Variants in HERC3 observed in about 807,000 individuals in gnomAD.
The protein encoded by HERC3 is probable E3 ubiquitin-protein ligase HERC3.
In HERC3, 58 loss-of-function variants were observed where a neutral mutation model predicts 129.9. That is an observed-to-expected ratio of 0.45 (90% CI 0.36 to 0.56). The LOEUF (loss-of-function observed/expected upper bound fraction) is 0.56, where lower values mean the gene tolerates loss of function less well. HERC3 is among the 20% of genes least tolerant of loss of function. The probability of loss-of-function intolerance (pLI) is 0.00; values close to 1 mark genes in which losing one functional copy is unlikely to be tolerated. For synonymous variants in HERC3, 430 were observed against 451.0 expected, an observed-to-expected ratio of 0.95 and a Z score of 0.59; for missense variants, 835 against 1,244.2, an observed-to-expected ratio of 0.67 and a Z score of 4.95.
At chr4:88,587,331 A>G in the HERC3 span, among the ~76,000 whole-genome samples, 1 of 152,326 alleles carries the variant, frequency 6.6e-6, no homozygotes, top group African/African-American at 2.4e-5. Context: ...CAGAGGGAGA[A>G]ATCAACTGAG....
chr4:88,538,220 A>G, the HERC3 span, among the ~76,000 whole-genome samples: 5 of 152,210 alleles, frequency 3.3e-5, no homozygotes, highest in African/African-American at 9.6e-5. Context: ...GGAACCATGC[A>G]GTTTGGAGTA....
chr4:88,681,974 T>C (rs933705198), intron 21 of HERC3, among the ~76,000 whole-genome samples: 1 of 152,268 alleles, frequency 6.6e-6, no homozygotes, highest in Non-Finnish European at 1.5e-5. Flanking sequence ...ATAATTTTGA[T>C]TGGCCTTTGG....
At position 88,656,296 on chromosome 4, in the gene HERC3, TGAA is replaced by T. The variant is rs142761935; in HGVS notation, c.1069+265_1069+267del. ...AGAGCACCTGAAACAGGGTGATTTA[TGAA>T]GAAAAGAGTTTTAATTGGCTCACAG... is the stretch of plus-strand genomic sequence containing the variant. On this transcript the variant is annotated intron_variant, in intron 9 of 25. Transcript: ENST00000402738. The T allele has an allele frequency of 6.8e-3, 3,065 of 451,248 alleles. 70 individuals carry two copies. Among genetic ancestry groups the T allele is most frequent in the African/African-American group, 0.055 (2,799 of 51,186 alleles). The allele number at this position is 451,248 out of a possible 1,614,324, so 28.0% of individuals were successfully genotyped here. A position where few individuals can be genotyped will look rare whatever the true frequency, so the allele number is the denominator to read the frequency against.
At chr4:88,663,058 A>G (rs1003583513) in intron 11 of HERC3, among the ~76,000 whole-genome samples, 4 of 151,840 alleles carry the variant, frequency 2.6e-5, no homozygotes, top group African/African-American at 2.4e-5. Context: ...TTAAAGGACA[A>G]TTTTCCTTTG....
At chr4:88,640,605 C>A (rs1016000636) in intron 3 of HERC3, among the ~76,000 whole-genome samples, 5 of 151,928 alleles carry the variant, frequency 3.3e-5, no homozygotes, top group African/African-American at 4.8e-5. Flanking sequence ...AGCATCAGGA[C>A]AAATAGGTAA....
Position 88,668,647 on chromosome 4 carries a change from GTT to G in HERC3, c.1633+570_1633+571del, listed in dbSNP as rs1012991576. The G allele has an allele frequency of 9.7e-5, 15 of 154,308 alleles. 1 individual carries two copies. The highest frequency in any genetic ancestry group is 3.4e-4 in the African/African-American group (14 of 41,488). 9.6% of individuals were successfully genotyped at this position (154,308 alleles called of 1,614,324 possible). A position where few individuals can be genotyped will look rare whatever the true frequency, so the allele number is the denominator to read the frequency against. On this transcript the variant is annotated intron_variant, in intron 14 of 25. Coordinates refer to ENST00000402738, the MANE Select transcript of HERC3 (RefSeq NM_014606.3). The stretch of plus-strand genomic sequence containing the variant: ...CTTTCATGGGAGTAGCACCTGAAAT[GTT>G]TTTATTACTCAAGTGCAGGAAGTCT...
intron 3 of HERC3, among the ~76,000 whole-genome samples, chr4:88,637,112 G>T (rs935397269): frequency 1.3e-5 from 2 of 152,070 alleles, no homozygotes; most frequent in Non-Finnish European, 2.9e-5. Flanking sequence ...CTGGGTGGCA[G>T]AGTGAGATGC....
At chr4:88,605,733 C>G in intron 2 of HERC3, 62 bp from the exon 3 acceptor site, 1 of 949,456 alleles carries the variant, frequency 1.1e-6, no homozygotes, top group Non-Finnish European at 1.6e-6. Context: ...ACATTCATTA[C>G]TTGATTTTCT....
At chr4:88,682,489 C>T (rs1238974616) in intron 21 of HERC3, among the ~76,000 whole-genome samples, 1 of 132,176 alleles carries the variant, frequency 7.6e-6, no homozygotes, top group Non-Finnish European at 1.6e-5. Context: ...CACCCCACAA[C>T]AGGCCCCAGT....
At chr4:88,569,797 C>T in the HERC3 span, among the ~76,000 whole-genome samples, 2 of 152,336 alleles carry the variant, frequency 1.3e-5, no homozygotes, top group Admixed American at 1.3e-4. Flanking sequence ...GCAGCCTCCC[C>T]AGCGCTCCAG....
the HERC3 span, among the ~76,000 whole-genome samples, chr4:88,532,890 A>G: frequency 6.6e-6 from 1 of 152,240 alleles, no homozygotes. Flanking sequence ...TCCCATATGT[A>G]TTAGAGTTCT....
intron 3 of HERC3, among the ~76,000 whole-genome samples, chr4:88,648,127 A>T (rs1728896648): frequency 6.6e-6 from 1 of 151,540 alleles, no homozygotes; most frequent in Admixed American, 6.6e-5. Flanking sequence ...ACTGACTTTA[A>T]TTTTTTTTTC....
intron 3 of HERC3, among the ~76,000 whole-genome samples, chr4:88,610,485 GT>G (rs1440077862): frequency 2.7e-5 from 4 of 148,610 alleles, no homozygotes; most frequent in Non-Finnish European, 5.9e-5. Context: ...CGCCTTACCC[GT>G]CTGGGAATAC....
rs1735875121 is a variant in HERC3 at position 88,707,477 on chromosome 4, G to A, written c.*517G>A. ...GTTGCAGCCCTCCTTTAACCCAAAG[G>A]AGGAAAGGACTGCTTCAGAAACTCC... On this transcript the variant is annotated 3_prime_UTR_variant, in exon 26 of 26. Transcript: ENST00000402738. 1 of 153,080 alleles carries A rather than the reference G, an allele frequency of 6.5e-6. No individual in the cohort carries two copies. Among genetic ancestry groups the A allele is most frequent in the African/African-American group, 2.4e-5 (1 of 41,432 alleles). The allele number at this position is 153,080 out of a possible 1,614,324, so 9.5% of individuals were successfully genotyped here.
At chr4:88,601,225 T>A (rs907851290) in intron 2 of HERC3, among the ~76,000 whole-genome samples, 5 of 152,350 alleles carry the variant, frequency 3.3e-5, no homozygotes, top group Middle Eastern at 6.8e-3. Context: ...TTTTGGGCCT[T>A]TTCATGCCTT....
At chr4:88,585,096 TC>T in the HERC3 span, among the ~76,000 whole-genome samples, 62 of 152,360 alleles carry the variant, frequency 4.1e-4, no homozygotes, top group Non-Finnish European at 6.0e-4. Flanking sequence ...TGATGACTTC[TC>T]ACTGTGTCCT....
the HERC3 span, among the ~76,000 whole-genome samples, chr4:88,547,041 T>G: frequency 6.6e-5 from 10 of 152,140 alleles, no homozygotes; most frequent in African/African-American, 1.9e-4. Flanking sequence ...TTCCTTAACC[T>G]TTTTTTCTTT....
Position 88,655,311 on chromosome 4 carries a change from GT to G in HERC3, c.908+9del. On this transcript the variant is annotated splice_region_variant and intron_variant, in intron 8 of 25. Transcript: ENST00000402738. The stretch of plus-strand genomic sequence containing the variant: ...CTCAAATTGCTTGTGGCAGGTGAGT[GT>G]TCCTCAAAGCTTGCTTGTATTCACT... 1 of 1,613,010 alleles carries G rather than the reference GT, an allele frequency of 6.2e-7. No individual in the cohort carries two copies.
chr4:88,597,312 T>TG (rs2149173399), intron 2 of HERC3, among the ~76,000 whole-genome samples: 1 of 152,340 alleles, frequency 6.6e-6, no homozygotes, highest in South Asian at 2.1e-4. Context: ...GCTACCATAG[T>TG]GGACAGTGCA....
Sources: gnomAD v4.1 joint callset for allele counts (sites outside exome capture counted in the v4.1 genomes callset) on GRCh38, gnomAD v4.1.1 for gene constraint, MANE v1.5 for transcripts, NCBI Gene and HGNC (gene_info 2026-07-23, HGNC 2026-07-21) for gene names.